The following CCT6A variants were observed in gnomAD, a reference collection of about 807,000 sequenced individuals.
The protein encoded by CCT6A is T-complex protein 1 subunit zeta.
Under a neutral mutation model 58.6 loss-of-function variants are expected in CCT6A, and 6 were observed. That is an observed-to-expected ratio of 0.10 (90% CI 0.06 to 0.20). The LOEUF (loss-of-function observed/expected upper bound fraction) is 0.20. Ranked by LOEUF, CCT6A falls within the 10% of genes least tolerant of loss-of-function variation. CCT6A has a pLI of 1.00. For missense variants in CCT6A, 516 were observed against 648.8 expected (o/e 0.80, Z 2.22); for synonymous variants, 245 against 227.8 (o/e 1.08, Z -0.68).
chr7:56,053,413 G>C (rs183737666), intron 2 of CCT6A, among the ~76,000 whole-genome samples: 16 of 152,292 alleles, frequency 1.1e-4, no homozygotes, highest in African/African-American at 3.1e-4. Flanking sequence ...GGGCTCAGTG[G>C]TGGCCCGTGT....
At chr7:56,058,178 G>A (rs1199878221) in intron 6 of CCT6A, 75 bp downstream of exon 6, 13 of 997,434 alleles carry the variant, frequency 1.3e-5, no homozygotes, top group African/African-American at 1.6e-5. Flanking sequence ...GTGAAACTTT[G>A]TTTCCCACTG....
rs368818595 is a variant in CCT6A at position 56,060,797 on chromosome 7, C to T, written c.1214-10C>T. On this transcript the variant is annotated splice_polypyrimidine_tract_variant and intron_variant, in intron 10 of 13. Transcript: ENST00000275603. ...TTTCTTAGCATTTTTCCTTTTCCCCCATCCAACAGGCTGTGTGGTTCCAGG... is the reference window on the plus strand; with the variant it reads ...TTTCTTAGCATTTTTCCTTTTCCCCTATCCAACAGGCTGTGTGGTTCCAGG... 69 of 1,596,912 alleles carry T rather than the reference C, an allele frequency of 4.3e-5. No homozygotes were observed. The African/African-American group carries it at 8.0e-4, about 18-fold the overall frequency.
Position 56,063,003 on chromosome 7 carries a change from C to T in CCT6A, c.1524-10C>T. 6.2e-7 allele frequency: 1 copy of T among 1,604,612 alleles called. No homozygotes were observed. Among genetic ancestry groups the T allele is most frequent in the Non-Finnish European group, 8.5e-7 (1 of 1,171,438 alleles). On this transcript the variant is annotated splice_polypyrimidine_tract_variant and intron_variant, in intron 13 of 13. Coordinates refer to ENST00000275603, the MANE Select transcript of CCT6A (RefSeq NM_001762.4). ...TCATCTGAGCCATCTTATTTTTGTC[C>T]CCCTTTCAGCACTGTGATTGCCACC...
intron 1 of CCT6A, 26 bp downstream of exon 1, chr7:56,052,011 C>T (rs1373155017): frequency 5.9e-6 from 8 of 1,361,866 alleles, no homozygotes; most frequent in African/African-American, 1.6e-5. Flanking sequence ...ACCGGAGGGC[C>T]GGGCGGGCAC....
In CCT6A at chr7:56,058,086, AT is replaced by A; in HGVS notation, c.710del (p.Leu237Ter). On this transcript the variant is annotated frameshift_variant, in exon 6 of 14. Transcript: ENST00000275603. LOFTEE classifies it high-confidence loss of function. ...DAYILTCNVS[L>X]EYEKTEVNSG... ...CATACATCCTCACTTGTAACGTGTC[AT>A]TAGAGTATGAGAAAACGTAAGTTTA... 6.3e-7 allele frequency: 1 copy of A among 1,589,340 alleles called. No homozygotes were observed. Among genetic ancestry groups the A allele is most frequent in the African/African-American group, 1.3e-5 (1 of 74,472 alleles).
intron 8 of CCT6A, 33 bp downstream of exon 8, chr7:56,058,735 C>G: frequency 4.0e-6 from 5 of 1,252,992 alleles, no homozygotes; most frequent in Non-Finnish European, 4.6e-6. Context: ...ACTCATTTTG[C>G]AAGTGAATTG....
intron 2 of CCT6A, 66 bp downstream of exon 2, chr7:56,052,551 A>G (rs975336569): frequency 4.5e-6 from 6 of 1,329,656 alleles, no homozygotes; most frequent in East Asian, 4.6e-5. Context: ...CTTTGTAGAA[A>G]GATTTGCAGT....
rs764432664 is a variant in CCT6A at position 56,060,312 on chromosome 7, G to A, written c.1109G>A (p.Arg370His). 7.4e-6 allele frequency: 12 copies of A among 1,613,616 alleles called. No individual in the cohort carries two copies. The highest frequency in any genetic ancestry group is 1.3e-5 in the African/African-American group (1 of 74,860). Residue 370 changes from arginine (R) to histidine (H), a missense_variant, in exon 10 of 14, where the codon CGT becomes CAT. Arg to His is a conservative substitution (Grantham distance 29). This residue lies in a region of CCT6A where 315 missense variants were observed against 389.4 expected (regional missense o/e 0.81). Coordinates refer to ENST00000275603, the MANE Select transcript of CCT6A (RefSeq NM_001762.4). ...FTFIEKCNNPRSVTLLIKGPN... is the reference protein window; with the variant it reads ...FTFIEKCNNPHSVTLLIKGPN... ...TTTATTGAGAAATGTAACAACCCTC[G>A]TTCTGTCACATTATTGATCAAAGGA... is the stretch of plus-strand genomic sequence containing the variant.
intron 3 of CCT6A, 63 bp from the exon 4 acceptor site, chr7:56,055,561 C>CTT: frequency 7.2e-7 from 1 of 1,380,166 alleles, no homozygotes; most frequent in Non-Finnish European, 1.0e-6. Flanking sequence ...ATTACCTGAA[C>CTT]TTTATCATGA....
intron 3 of CCT6A, chr7:56,055,288 G>T (rs1794281970): frequency 1.0e-5 from 3 of 287,704 alleles, no homozygotes; most frequent in Non-Finnish European, 2.1e-5. Context: ...AAAAATGAAA[G>T]AAAATAAAGA....
In CCT6A at chr7:56,060,326, T is replaced by C. The variant is rs1315620073; in HGVS notation, c.1123T>C (p.Leu375=). The C allele has an allele frequency of 6.2e-7, 1 of 1,613,918 alleles. No individual in the cohort carries two copies. Among genetic ancestry groups the C allele is most frequent in the Non-Finnish European group, 8.5e-7 (1 of 1,179,786 alleles). ...TAACAACCCTCGTTCTGTCACATTA[T>C]TGATCAAAGGACCAAATAAGCACAC... ...KCNNPRSVTL[L]IKGPNKHTLT... Residue 375 remains leucine, a synonymous_variant, in exon 10 of 14, where the codon TTG becomes CTG. Transcript: ENST00000275603.
chr7:56,060,238 T>C, intron 9 of CCT6A, 31 bp from the exon 10 acceptor site: 1 of 1,600,676 alleles, frequency 6.2e-7, no homozygotes, highest in Non-Finnish European at 8.6e-7. Context: ...ACAAATCCTG[T>C]TTTTGAAAAT....
intron 12 of CCT6A, 74 bp from the exon 13 acceptor site, chr7:56,062,609 T>C (rs1432101155): frequency 8.2e-7 from 1 of 1,221,198 alleles, no homozygotes; most frequent in Non-Finnish European, 1.2e-6. Context: ...GAGTCATCAG[T>C]GATAAGCAAA....
chr7:56,057,835 G>A (rs544899435), intron 5 of CCT6A, among the ~76,000 whole-genome samples, 158 bp from the exon 6 acceptor site: 3 of 152,174 alleles, frequency 2.0e-5, no homozygotes, highest in East Asian at 3.9e-4. Flanking sequence ...GAGCCAAGAT[G>A]GCACCACTAC....
intron 3 of CCT6A, among the ~76,000 whole-genome samples, chr7:56,054,852 C>T (rs1298483347): frequency 2.6e-5 from 4 of 152,114 alleles, no homozygotes; most frequent in African/African-American, 7.2e-5. Context: ...CTTTTTTAGC[C>T]CTGACTAGTT....
chr7:56,060,424 C>T lies in CCT6A; in HGVS notation c.1213+8C>T. The stretch of plus-strand genomic sequence containing the variant: ...AAAATGCTATTGATGATGGTAAGAT[C>T]CTCACTGTATTTCAATTCTTTTATA... On this transcript the variant is annotated splice_region_variant and intron_variant, in intron 10 of 13. Coordinates refer to ENST00000275603, the MANE Select transcript of CCT6A (RefSeq NM_001762.4). 2 of 1,613,432 alleles carry T rather than the reference C, an allele frequency of 1.2e-6. No homozygotes were observed. Among genetic ancestry groups the T allele is most frequent in the Non-Finnish European group, 1.7e-6 (2 of 1,179,426 alleles).
chr7:56,060,449 A>G, intron 10 of CCT6A, 33 bp downstream of exon 10: 1 of 1,610,068 alleles, frequency 6.2e-7, no homozygotes, highest in South Asian at 1.1e-5. Flanking sequence ...ATTCTTTTAT[A>G]TTGTTTTGCT....
intron 9 of CCT6A, 88 bp downstream of exon 9, chr7:56,059,728 G>T: frequency 1.4e-6 from 1 of 698,258 alleles, no homozygotes; most frequent in Non-Finnish European, 2.6e-6. Context: ...TCTCACTCCT[G>T]CCCGGGCTGG....
chr7:56,052,412 C>G lies in CCT6A; in HGVS notation c.138-10C>G. 1 of 1,613,002 alleles carries G rather than the reference C, an allele frequency of 6.2e-7. No homozygotes were observed. The stretch of plus-strand genomic sequence containing the variant: ...AGTCATAGTCTGGTTCATTTCTGTC[C>G]TTTAAACAGGCTCGTTTCTGGCGCT... On this transcript the variant is annotated splice_polypyrimidine_tract_variant and intron_variant, in intron 1 of 13. Coordinates refer to ENST00000275603, the MANE Select transcript of CCT6A (RefSeq NM_001762.4).
Sources: gnomAD v4.1 joint callset for allele counts (sites outside exome capture counted in the v4.1 genomes callset) on GRCh38, gnomAD v4.1.1 for gene constraint, gnomAD v4.1.1 regional missense constraint, MANE v1.5 for transcripts, NCBI Gene and HGNC (gene_info 2026-07-23, HGNC 2026-07-21) for gene names.